GLG1: variants seen among roughly 807,000 people sequenced by gnomAD.
GLG1 encodes Golgi apparatus protein 1.
GLG1 carries 38 observed loss-of-function variants against 160.5 expected under a neutral mutation model. The observed-to-expected ratio is 0.24, with a 90% CI of 0.18 to 0.31. The LOEUF (loss-of-function observed/expected upper bound fraction) is 0.31. Ranked by LOEUF, GLG1 falls within the 10% of genes least tolerant of loss-of-function variation. GLG1 has a pLI of 1.00. For missense variants in GLG1, 1,373 were observed against 1,505.2 expected (o/e 0.91, Z 1.45); for synonymous variants, 644 against 543.4 (o/e 1.19, Z -2.57).
At chr16:74,583,448 T>C (rs1957980953) in intron 1 of GLG1, among the ~76,000 whole-genome samples, 2 of 152,218 alleles carry the variant, frequency 1.3e-5, no homozygotes, top group African/African-American at 2.4e-5. Context: ...TAGCGTGATC[T>C]TGGCTCACTG....
rs199626003 is a variant in GLG1, at chr16:74,494,834, A to G, written c.979-3T>C. 42 of 1,411,282 alleles carry G rather than the reference A, an allele frequency of 3.0e-5. No homozygotes were observed. Among genetic ancestry groups the G allele is most frequent in the Middle Eastern group, 3.6e-4 (2 of 5,612 alleles). 87.4% of individuals were successfully genotyped at this position (1,411,282 alleles called of 1,614,324 possible). On this transcript the variant is annotated splice_region_variant and splice_polypyrimidine_tract_variant and intron_variant, in intron 5 of 25. Transcript: ENST00000422840. Reference sequence around the variant, plus strand: ...ACTCTGCCCTCACCAGCTTGTGTCTATAAGATGGAACATACACATTATTAT... The same window carrying G: ...ACTCTGCCCTCACCAGCTTGTGTCTGTAAGATGGAACATACACATTATTAT...
At chr16:74,605,543 T>A (rs1248268548) in intron 1 of GLG1, among the ~76,000 whole-genome samples, 2 of 152,182 alleles carry the variant, frequency 1.3e-5, no homozygotes, top group Non-Finnish European at 2.9e-5. Context: ...AGAAGTCAGG[T>A]AAGGCCTCAC....
chr16:74,457,860 A>G lies in GLG1; in HGVS notation c.3265+14T>C. The G allele has an allele frequency of 1.2e-6, 2 of 1,613,272 alleles. No individual in the cohort carries two copies. Among genetic ancestry groups the G allele is most frequent in the East Asian group, 2.2e-5 (1 of 44,872 alleles). Reference sequence around the variant, plus strand: ...AGAGTTCAGACAGGATCAAGAGTGAACACAGAGACTTACGACGCCCGCGGC... The same window carrying G: ...AGAGTTCAGACAGGATCAAGAGTGAGCACAGAGACTTACGACGCCCGCGGC... On this transcript the variant is annotated intron_variant, in intron 24 of 25. Coordinates refer to ENST00000422840, the MANE Select transcript of GLG1 (RefSeq NM_001145667.2).
intron 2 of GLG1, among the ~76,000 whole-genome samples, chr16:74,525,921 T>C (rs928345696): frequency 6.6e-6 from 1 of 152,150 alleles, no homozygotes; most frequent in African/African-American, 2.4e-5. Flanking sequence ...TTTGGGAGGC[T>C]GAGGCAGGCA....
intron 24 of GLG1, 143 bp from the exon 25 acceptor site, chr16:74,456,898 G>C: frequency 1.6e-6 from 1 of 627,446 alleles, no homozygotes. Flanking sequence ...TAGGAAACTT[G>C]ATCCAGGATC....
At chr16:74,591,107 C>A (rs991814722) in intron 1 of GLG1, among the ~76,000 whole-genome samples, 1 of 150,418 alleles carries the variant, frequency 6.6e-6, no homozygotes, top group East Asian at 2.0e-4. Context: ...CCAAGGTGGG[C>A]GGATCACGAG....
intron 2 of GLG1, among the ~76,000 whole-genome samples, chr16:74,522,346 G>C (rs1369299440): frequency 6.6e-6 from 1 of 152,228 alleles, no homozygotes; most frequent in Non-Finnish European, 1.5e-5. Context: ...AGCCAGCTTT[G>C]AAAGCACTAG....
chr16:74,520,044 T>G (rs191295547), intron 2 of GLG1, among the ~76,000 whole-genome samples: 2 of 152,256 alleles, frequency 1.3e-5, no homozygotes, highest in Non-Finnish European at 2.9e-5. Context: ...ACTTATTTCA[T>G]AGGCCTATTT....
Position 74,449,558 on chromosome 16 carries a change from T to C in GLG1, c.*3609A>G, listed in dbSNP as rs1337307101. ...AATCTGACAGTAACTTTCTGTAGCA[T>C]CTTCAGGGAAAGCTGTCTCTTCACC... On this transcript the variant is annotated 3_prime_UTR_variant, in exon 26 of 26. Coordinates refer to ENST00000422840, the MANE Select transcript of GLG1 (RefSeq NM_001145667.2). 6.6e-6 allele frequency: 1 copy of C among 152,188 alleles called. No individual in the cohort carries two copies. The highest frequency in any genetic ancestry group is 6.5e-5 in the Admixed American group (1 of 15,282). The allele number at this position is 152,188 out of a possible 1,614,324, so 9.4% of individuals were successfully genotyped here. A position where few individuals can be genotyped will look rare whatever the true frequency, so the allele number is the denominator to read the frequency against.
chr16:74,497,842 A>C (rs2016255648), intron 4 of GLG1, among the ~76,000 whole-genome samples: 1 of 152,210 alleles, frequency 6.6e-6, no homozygotes, highest in Admixed American at 6.5e-5. Flanking sequence ...CAAACATCCC[A>C]ATATGTAGAA....
chr16:74,560,961 A>AC (rs1222034505), intron 1 of GLG1, among the ~76,000 whole-genome samples: 2 of 151,916 alleles, frequency 1.3e-5, no homozygotes, highest in Non-Finnish European at 2.9e-5. Context: ...CTGAGAAAAA[A>AC]AGTTATTTAA....
intron 1 of GLG1, among the ~76,000 whole-genome samples, chr16:74,548,054 C>T (rs1242348593): frequency 6.6e-6 from 1 of 152,206 alleles, no homozygotes; most frequent in Non-Finnish European, 1.5e-5. Context: ...CTCAGCCTCC[C>T]GAGTAGCTGG....
At chr16:74,492,868 A>G in intron 7 of GLG1, 89 bp downstream of exon 7, 3 of 641,898 alleles carry the variant, frequency 4.7e-6, no homozygotes. Flanking sequence ...CAAATATGGG[A>G]GGAAACTAAC....
intron 1 of GLG1, among the ~76,000 whole-genome samples, chr16:74,560,326 CTTTT>C (rs66983409): frequency 8.4e-6 from 1 of 118,376 alleles, no homozygotes; most frequent in African/African-American, 3.2e-5. Context: ...CAGTTTTTGT[CTTTT>C]TTTTTTTTTT....
At chr16:74,555,280 G>A (rs964405559) in intron 1 of GLG1, among the ~76,000 whole-genome samples, 11 of 152,142 alleles carry the variant, frequency 7.2e-5, no homozygotes, top group East Asian at 1.9e-4. Context: ...TAGATTGACA[G>A]AACATAAAAT....
At chr16:74,515,471 T>A (rs1249823694) in intron 2 of GLG1, among the ~76,000 whole-genome samples, 2 of 152,092 alleles carry the variant, frequency 1.3e-5, no homozygotes, top group Non-Finnish European at 2.9e-5. Context: ...GCAATCAAAG[T>A]AGAACTCAGG....
chr16:74,606,249 C>T (rs906137986), intron 1 of GLG1, among the ~76,000 whole-genome samples: 1 of 152,222 alleles, frequency 6.6e-6, no homozygotes, highest in Non-Finnish European at 1.5e-5. Flanking sequence ...AGCCTAAGTA[C>T]GCCAGGCATT....
intron 25 of GLG1, among the ~76,000 whole-genome samples, chr16:74,453,582 T>C (rs765708704): frequency 1.3e-5 from 2 of 152,226 alleles, no homozygotes; most frequent in East Asian, 1.9e-4. Context: ...CACAATTCCA[T>C]CACAGTGATC....
chr16:74,583,525 G>A (rs8049428), intron 1 of GLG1, among the ~76,000 whole-genome samples: 2,877 of 152,066 alleles, frequency 0.019, 45 homozygotes, highest in Non-Finnish European at 0.019. Context: ...GATTACAGGC[G>A]CACGCCACCA....
Sources: gnomAD v4.1 joint callset for allele counts (sites outside exome capture counted in the v4.1 genomes callset) on GRCh38, gnomAD v4.1.1 for gene constraint, MANE v1.5 for transcripts, NCBI Gene and HGNC (gene_info 2026-07-23, HGNC 2026-07-21) for gene names.